The following MYH11 variants were observed in gnomAD, a reference collection of about 807,000 sequenced individuals.
MYH11 encodes myosin-11.
A neutral mutation model predicts 246.6 loss-of-function variants in MYH11; 80 were observed. The observed-to-expected ratio is 0.32, with a 90% confidence interval of 0.27 to 0.39. MYH11 has a LOEUF of 0.39. MYH11 is among the 10% of genes least tolerant of loss of function. MYH11 has a pLI of 1.00. For synonymous variants in MYH11, 1,071 were observed against 1,015.5 expected, an observed-to-expected ratio of 1.05 and a Z score of -1.04; for missense variants, 2,158 against 2,546.8, an observed-to-expected ratio of 0.85 and a Z score of 3.29.
At chr16:15,847,389 C>T (rs1174259526) in intron 1 of MYH11, among the ~76,000 whole-genome samples, 1 of 151,868 alleles carries the variant, frequency 6.6e-6, no homozygotes, top group African/African-American at 2.4e-5. Context: ...TAGTTGGGAC[C>T]ACAGGCACCT....
At position 15,741,556 on chromosome 16, in the gene MYH11, C is replaced by G. The variant is rs1272172824; in HGVS notation, c.2766G>C (p.Glu922Asp). The G allele has an allele frequency of 1.2e-6, 2 of 1,611,238 alleles. No individual in the cohort carries two copies. Among genetic ancestry groups the G allele is most frequent in the Non-Finnish European group, 1.7e-6 (2 of 1,180,018 alleles). The change falls in exon 22 of 41, where the codon GAG becomes GAC. Residue 922 changes from glutamate to aspartate, a missense_variant. Physicochemically the swap from Glu to Asp is conservative, Grantham distance 45. Coordinates refer to ENST00000300036, the MANE Select transcript of MYH11 (RefSeq NM_002474.3). ...GGCGGGCCTCCATCTCATGCAGTAT[C>G]TCCTCCAGCTCCTGCTTCTTGGCCG... ...RLAAKKQELE[E>D]ILHEMEARLE...
chr16:15,763,295 G>T (rs1213953392), intron 10 of MYH11, among the ~76,000 whole-genome samples: 1 of 152,164 alleles, frequency 6.6e-6, no homozygotes, highest in Non-Finnish European at 1.5e-5. Context: ...ATTTCCTGCT[G>T]TATCCCAGTG....
intron 2 of MYH11, among the ~76,000 whole-genome samples, chr16:15,835,270 A>G (rs979733963): frequency 6.6e-6 from 1 of 152,164 alleles, no homozygotes; most frequent in East Asian, 1.9e-4. Flanking sequence ...TACACAAGTC[A>G]ACACTGAGCA....
chr16:15,816,973 C>A (rs1285909213), intron 3 of MYH11, among the ~76,000 whole-genome samples: 2 of 152,054 alleles, frequency 1.3e-5, no homozygotes, highest in East Asian at 3.9e-4. Flanking sequence ...ATGTAACATC[C>A]TCTGGCAAAA....
At chr16:15,735,243 C>G in intron 26 of MYH11, 123 bp downstream of exon 26, 1 of 1,065,362 alleles carries the variant, frequency 9.4e-7, no homozygotes, top group Non-Finnish European at 1.4e-6. Context: ...TAAAGCAAAC[C>G]GCGGCCAGGA....
intron 3 of MYH11, among the ~76,000 whole-genome samples, chr16:15,813,004 T>C (rs1177939276): frequency 6.6e-6 from 1 of 152,126 alleles, no homozygotes; most frequent in Non-Finnish European, 1.5e-5. Flanking sequence ...CCATCTCTAC[T>C]AAAAGTACAA....
intron 4 of MYH11, 36 bp downstream of exon 4, chr16:15,798,624 C>CA (rs372435652): frequency 0.012 from 9,795 of 814,758 alleles, 62 homozygotes; most frequent in Non-Finnish European, 0.013. Context: ...AAAAAAAAAA[C>CA]AAAAAAAAAA....
At chr16:15,714,556 G>A (rs1167950746) in intron 40 of MYH11, 2 of 424,422 alleles carry the variant, frequency 4.7e-6, no homozygotes, top group Non-Finnish European at 8.7e-6. Flanking sequence ...GTGGCGGGGG[G>A]TGGTGTTGCA....
chr16:15,740,335 TG>T (rs1308071099), intron 22 of MYH11, 147 bp from the exon 23 acceptor site: 1 of 1,283,394 alleles, frequency 7.8e-7, no homozygotes, highest in African/African-American at 1.5e-5. Context: ...GGCCTGAGCG[TG>T]GTGGCTCACA....
At chr16:15,741,166 T>C (rs1427891325) in intron 22 of MYH11, 1 of 557,932 alleles carries the variant, frequency 1.8e-6, no homozygotes, top group African/African-American at 1.9e-5. Flanking sequence ...AGCTGCTGAG[T>C]TTGGCATGTT....
intron 12 of MYH11, among the ~76,000 whole-genome samples, chr16:15,758,570 G>A (rs1010987031): frequency 6.6e-6 from 1 of 151,566 alleles, no homozygotes; most frequent in African/African-American, 2.4e-5. Context: ...TTGGGAGGCC[G>A]AGGCTGGTGG....
chr16:15,855,759 CG>C (rs879381205), intron 1 of MYH11, among the ~76,000 whole-genome samples: 6 of 152,156 alleles, frequency 3.9e-5, no homozygotes, highest in Non-Finnish European at 8.8e-5. Context: ...CGTCAAGTTC[CG>C]TCTCTGAACA....
Position 15,750,386 on chromosome 16 carries a change from G to T in MYH11, c.1865-55C>A, listed in dbSNP as rs1016584714. ...CTCTGGCCCACCCACCCCTAAATAG[G>T]CCAGAGGCTCAGCCCCAGCCCCACC... On this transcript the variant is annotated intron_variant, in intron 15 of 40. Transcript: ENST00000300036. The surrounding 1 kb of genome is among the most constrained non-coding windows in gnomAD (Gnocchi z 4.3). 1.3e-6 allele frequency: 2 copies of T among 1,523,916 alleles called. No individual in the cohort carries two copies. The highest frequency in any genetic ancestry group is 1.8e-6 in the Non-Finnish European group (2 of 1,130,754). 94.4% of individuals were successfully genotyped at this position (1,523,916 alleles called of 1,614,324 possible). A position where few individuals can be genotyped will look rare whatever the true frequency, so the allele number is the denominator to read the frequency against.
At chr16:15,751,242 C>T (rs1365028195) in intron 15 of MYH11, among the ~76,000 whole-genome samples, 5 of 151,866 alleles carry the variant, frequency 3.3e-5, no homozygotes, top group South Asian at 2.1e-4. Flanking sequence ...CTCACCACAA[C>T]GTCCGCCTCC....
At chr16:15,812,456 C>T (rs1423888749) in intron 3 of MYH11, among the ~76,000 whole-genome samples, 1 of 141,310 alleles carries the variant, frequency 7.1e-6, no homozygotes, top group Non-Finnish European at 1.5e-5. Flanking sequence ...GTGGCTCATA[C>T]CCATAATCCC....
intron 2 of MYH11, among the ~76,000 whole-genome samples, chr16:15,829,422 T>TAAGACTGGTGCAGGC (rs926510081): frequency 1.3e-5 from 2 of 152,080 alleles, no homozygotes; most frequent in African/African-American, 4.8e-5. Flanking sequence ...GGAGTGAAGG[T>TAAGACTGGTGCAGGC]AAGACTGGTG....
At chr16:15,764,554 ACTGT>A (rs1288763870) in intron 9 of MYH11, among the ~76,000 whole-genome samples, 3 of 152,156 alleles carry the variant, frequency 2.0e-5, no homozygotes, top group East Asian at 1.9e-4. Flanking sequence ...ACAAGAACAT[ACTGT>A]CTAAGTCCAT....
At chr16:15,736,871 A>G (rs541204235) in intron 25 of MYH11, among the ~76,000 whole-genome samples, 2 of 152,256 alleles carry the variant, frequency 1.3e-5, no homozygotes, top group South Asian at 2.1e-4. Context: ...GTAAATAATC[A>G]TTCATAGTGG....
chr16:15,733,906 T>C (rs1308132125), intron 26 of MYH11, among the ~76,000 whole-genome samples: 2 of 152,246 alleles, frequency 1.3e-5, no homozygotes, highest in African/African-American at 2.4e-5. Context: ...GTGCTCTATG[T>C]GCATGTGACA....
Sources: gnomAD v4.1 joint callset for allele counts (sites outside exome capture counted in the v4.1 genomes callset) on GRCh38, gnomAD v4.1.1 for gene constraint, Gnocchi (gnomAD v3.1) non-coding constraint, MANE v1.5 for transcripts, NCBI Gene and HGNC (gene_info 2026-07-23, HGNC 2026-07-21) for gene names.